The following CCSER1 variants were observed in gnomAD, a reference collection of about 807,000 sequenced individuals.
CCSER1 encodes the protein serine-rich coiled-coil domain-containing protein 1.
In CCSER1, 41 loss-of-function variants were observed where a neutral mutation model predicts 82.0. The ratio of observed to expected loss-of-function variants is 0.50; its 90% confidence interval spans 0.39 to 0.65. CCSER1 has a LOEUF of 0.65. CCSER1 is among the 30% of genes least tolerant of loss of function. The pLI is 0.00. For synonymous variants in CCSER1, 414 were observed against 383.9 expected (o/e 1.08, Z -0.92); for missense variants, 1,119 against 1,064.2 (o/e 1.05, Z -0.72).
At chr4:91,078,993 G>C (rs937598054) in intron 9 of CCSER1, among the ~76,000 whole-genome samples, 1 of 152,184 alleles carries the variant, frequency 6.6e-6, no homozygotes, top group Non-Finnish European at 1.5e-5. Context: ...AACCAAGTTG[G>C]AAAACACTCT....
chr4:90,661,420 G>A (rs936452805), intron 6 of CCSER1, among the ~76,000 whole-genome samples: 9 of 152,140 alleles, frequency 5.9e-5, no homozygotes, highest in Non-Finnish European at 1.2e-4. Context: ...GAATTTGTGA[G>A]TGTATTTATA....
intron 1 of CCSER1, among the ~76,000 whole-genome samples, chr4:90,236,503 C>T (rs1745833905): frequency 6.6e-6 from 1 of 152,118 alleles, no homozygotes. Flanking sequence ...AAGGGCGAAA[C>T]AATCTGTTTT....
At chr4:91,312,035 TA>T (rs1745517314) in intron 10 of CCSER1, among the ~76,000 whole-genome samples, 1 of 151,810 alleles carries the variant, frequency 6.6e-6, no homozygotes, top group Non-Finnish European at 1.5e-5. Flanking sequence ...ATAGAAAAGC[TA>T]AAAAACATCA....
intron 10 of CCSER1, among the ~76,000 whole-genome samples, chr4:91,367,130 C>CAAAAAAA (rs70965488): frequency 1.6e-5 from 1 of 63,732 alleles, no homozygotes; most frequent in Non-Finnish European, 3.1e-5. Context: ...ACCATCTCTC[C>CAAAAAAA]AAAAAAAAAA....
intron 7 of CCSER1, among the ~76,000 whole-genome samples, chr4:90,808,255 G>C (rs1246198004): frequency 6.6e-6 from 1 of 152,076 alleles, no homozygotes; most frequent in East Asian, 1.9e-4. Context: ...ATGGATTAAA[G>C]ACTTAAATCT....
At chr4:91,168,100 C>T (rs1732315013) in intron 10 of CCSER1, among the ~76,000 whole-genome samples, 1 of 150,162 alleles carries the variant, frequency 6.7e-6, no homozygotes, top group African/African-American at 2.5e-5. Flanking sequence ...CTCTGCCCAG[C>T]CCCCCCGTCT....
chr4:90,567,116 A>G (rs923830643), intron 5 of CCSER1, among the ~76,000 whole-genome samples: 3 of 150,338 alleles, frequency 2.0e-5, no homozygotes, highest in African/African-American at 7.3e-5. Context: ...TTAGATATTT[A>G]TTATTTTCCT....
At chr4:90,960,865 A>G (rs981582326) in intron 9 of CCSER1, among the ~76,000 whole-genome samples, 2 of 152,190 alleles carry the variant, frequency 1.3e-5, no homozygotes, top group African/African-American at 4.8e-5. Flanking sequence ...ACACTGCTAC[A>G]AGTGTTTCAC....
chr4:90,937,411 G>C (rs1460362174), intron 9 of CCSER1, among the ~76,000 whole-genome samples: 1 of 151,562 alleles, frequency 6.6e-6, no homozygotes, highest in Non-Finnish European at 1.5e-5. Flanking sequence ...ATAACACACA[G>C]ATAAATTTGC....
At chr4:91,573,738 G>A (rs1341652357) in intron 10 of CCSER1, among the ~76,000 whole-genome samples, 2 of 152,078 alleles carry the variant, frequency 1.3e-5, no homozygotes, top group Non-Finnish European at 2.9e-5. Context: ...CAAGTACCTG[G>A]ATGTTTCAGT....
chr4:90,897,292 TC>T (rs34556846), intron 8 of CCSER1, among the ~76,000 whole-genome samples: 1 of 151,846 alleles, frequency 6.6e-6, no homozygotes, highest in Non-Finnish European at 1.5e-5. Flanking sequence ...TCTCATAACC[TC>T]CCCTCTTTTG....
Position 90,143,483 on chromosome 4 carries a change from T to TACACAC in CCSER1, c.-42+15654_-42+15659dup, listed in dbSNP as rs1331230610. Among the ~76,000 whole-genome samples, 14 of 78,286 alleles carry TACACAC rather than the reference T, an allele frequency of 1.8e-4. No individual in the cohort carries two copies. The East Asian group carries it at 2.0e-3, about 11-fold the overall frequency. 51.4% of individuals were successfully genotyped at this position (78,286 alleles called of 152,430 possible). ...CATTGTATTTCTGTTTCCTAGCAAG[T>TACACAC]ACACACATACACACACACACACACA... is the stretch of plus-strand genomic sequence containing the variant. On this transcript the variant is annotated intron_variant, in intron 1 of 10. Coordinates refer to ENST00000509176, the MANE Select transcript of CCSER1 (RefSeq NM_001145065.2).
intron 4 of CCSER1, among the ~76,000 whole-genome samples, chr4:90,451,294 A>T (rs2153578372): frequency 6.6e-6 from 1 of 152,190 alleles, no homozygotes; most frequent in East Asian, 1.9e-4. Context: ...CCAGTTAGTG[A>T]AGGTATCTAC....
chr4:91,406,550 A>G (rs750821094), intron 10 of CCSER1, among the ~76,000 whole-genome samples: 1 of 152,202 alleles, frequency 6.6e-6, no homozygotes. Flanking sequence ...AGTTCCACAA[A>G]TACACGCTAG....
chr4:91,430,233 A>C (rs1051186984), intron 10 of CCSER1, among the ~76,000 whole-genome samples: 2 of 152,148 alleles, frequency 1.3e-5, no homozygotes, highest in Admixed American at 6.6e-5. Context: ...ACAATGGTAT[A>C]CCATAGTATT....
intron 10 of CCSER1, among the ~76,000 whole-genome samples, chr4:91,469,348 C>G (rs994384539): frequency 6.6e-6 from 1 of 152,128 alleles, no homozygotes; most frequent in Non-Finnish European, 1.5e-5. Context: ...AAAGTTCTGA[C>G]TCTAAGAAAA....
At chr4:91,150,509 A>G (rs543393648) in intron 10 of CCSER1, among the ~76,000 whole-genome samples, 13 of 152,264 alleles carry the variant, frequency 8.5e-5, no homozygotes, top group African/African-American at 2.9e-4. Context: ...AGAACATCCA[A>G]CACTATGTTG....
At chr4:90,932,909 A>AGAAG (rs1554046026) in intron 9 of CCSER1, among the ~76,000 whole-genome samples, 1 of 7,134 alleles carries the variant, frequency 1.4e-4, no homozygotes, top group Non-Finnish European at 2.3e-4. Flanking sequence ...AGAAAGAAGG[A>AGAAG]GAAAGAAAGA....
intron 9 of CCSER1, among the ~76,000 whole-genome samples, chr4:91,038,590 A>G (rs1741653594): frequency 1.3e-5 from 2 of 152,196 alleles, no homozygotes; most frequent in African/African-American, 2.4e-5. Context: ...AATGACATGA[A>G]GATGATCACG....
Sources: gnomAD v4.1 joint callset for allele counts (sites outside exome capture counted in the v4.1 genomes callset) on GRCh38, gnomAD v4.1.1 for gene constraint, MANE v1.5 for transcripts, NCBI Gene and HGNC (gene_info 2026-07-23, HGNC 2026-07-21) for gene names.